Variants in TAFA2 observed in about 807,000 individuals in gnomAD.
The protein encoded by TAFA2 is chemokine-like protein TAFA-2.
A neutral mutation model predicts 18.8 loss-of-function variants in TAFA2; 7 were observed. That is an observed-to-expected ratio of 0.37 (90% CI 0.21 to 0.70). The LOEUF is 0.70. Among genes scored for constraint, TAFA2 ranks in the 30% least tolerant of loss-of-function variants. TAFA2 has a pLI of 0.53. For synonymous variants in TAFA2, 60 were observed against 54.2 expected (o/e 1.11, Z -0.47); for missense variants, 122 against 158.1 (o/e 0.77, Z 1.23).
At chr12:61,711,764 G>T (rs1224534208) in intron 4 of TAFA2, among the ~76,000 whole-genome samples, 1 of 151,906 alleles carries the variant, frequency 6.6e-6, no homozygotes, top group Non-Finnish European at 1.5e-5. Flanking sequence ...TTCTTTGCCT[G>T]CATATTTGAA....
chr12:62,076,968 G>A (rs1043390547), intron 1 of TAFA2, among the ~76,000 whole-genome samples: 2 of 152,152 alleles, frequency 1.3e-5, no homozygotes, highest in Non-Finnish European at 2.9e-5. Flanking sequence ...ATGAAGCCTC[G>A]ATGAGTTTTA....
rs1208956475 is a variant in TAFA2, at chr12:62,003,750, A to G, written c.-1-136324T>C. On this transcript the variant is annotated intron_variant, in intron 1 of 4. Transcript: ENST00000416284. ...ATCTTAATCTGTCTTGTTCTCTTAT[A>G]TATTCCAAGTACCATGAGCAATGGC... Among the ~76,000 whole-genome samples the G allele has an allele frequency of 2.6e-5, 4 of 152,218 alleles. No individual in the cohort carries two copies. In the East Asian group the frequency reaches 7.7e-4, roughly 29 times the overall value.
intron 2 of TAFA2, among the ~76,000 whole-genome samples, chr12:61,815,817 C>T (rs1384124347): frequency 6.6e-6 from 1 of 151,224 alleles, no homozygotes; most frequent in Admixed American, 6.6e-5. Context: ...TCTCTATGCA[C>T]TAAATGTTTA....
intron 1 of TAFA2, among the ~76,000 whole-genome samples, chr12:61,883,380 T>C (rs115619887): frequency 0.011 from 1,607 of 152,266 alleles, 24 homozygotes; most frequent in African/African-American, 0.037. Context: ...ACAGACACAC[T>C]TGCAATCATG....
chr12:61,999,264 A>G (rs1195045328), intron 1 of TAFA2, among the ~76,000 whole-genome samples: 1 of 152,214 alleles, frequency 6.6e-6, no homozygotes, highest in Non-Finnish European at 1.5e-5. Flanking sequence ...GCTTCATGCA[A>G]TAGCCTCAGC....
At chr12:61,872,721 T>C (rs1426110946) in intron 1 of TAFA2, among the ~76,000 whole-genome samples, 1 of 152,120 alleles carries the variant, frequency 6.6e-6, no homozygotes, top group Non-Finnish European at 1.5e-5. Context: ...AAGCTAAATC[T>C]AGACCTTACC....
chr12:61,750,350 G>T (rs1423881728), intron 4 of TAFA2, among the ~76,000 whole-genome samples: 1 of 152,006 alleles, frequency 6.6e-6, no homozygotes, highest in Non-Finnish European at 1.5e-5. Context: ...TGAGAAATGG[G>T]GTTTGGGAAA....
At chr12:62,167,185 T>G (rs1421562342) in intron 1 of TAFA2, among the ~76,000 whole-genome samples, 5 of 152,120 alleles carry the variant, frequency 3.3e-5, no homozygotes, top group Admixed American at 6.6e-5. Flanking sequence ...AAACCAAAAT[T>G]TCTAAAGTTA....
At chr12:62,097,367 G>A (rs1868997298) in intron 1 of TAFA2, among the ~76,000 whole-genome samples, 1 of 152,150 alleles carries the variant, frequency 6.6e-6, no homozygotes. Context: ...CAGAGAAAGA[G>A]TGAAGAGAAG....
chr12:61,937,296 G>A (rs1431987866), intron 1 of TAFA2, among the ~76,000 whole-genome samples: 2 of 151,778 alleles, frequency 1.3e-5, no homozygotes, highest in Non-Finnish European at 2.9e-5. Flanking sequence ...CACAAAATTA[G>A]AAAAAAACAT....
At chr12:61,773,567 A>C (rs1870125709) in intron 2 of TAFA2, among the ~76,000 whole-genome samples, 1 of 151,946 alleles carries the variant, frequency 6.6e-6, no homozygotes, top group Non-Finnish European at 1.5e-5. Flanking sequence ...CATAGAGTCA[A>C]GTGATCTTTG....
intron 1 of TAFA2, among the ~76,000 whole-genome samples, chr12:62,152,649 CT>C (rs1282329833): frequency 6.6e-6 from 1 of 152,158 alleles, no homozygotes; most frequent in Non-Finnish European, 1.5e-5. Flanking sequence ...AGGCATAAAG[CT>C]CTGATGGGGG....
At chr12:61,803,441 G>A (rs1383720446) in intron 2 of TAFA2, among the ~76,000 whole-genome samples, 2 of 151,840 alleles carry the variant, frequency 1.3e-5, no homozygotes, top group Non-Finnish European at 2.9e-5. Context: ...AACCAACTTT[G>A]TTCTCAGCTT....
intron 1 of TAFA2, among the ~76,000 whole-genome samples, chr12:62,116,981 G>T (rs1220787293): frequency 6.6e-6 from 1 of 152,106 alleles, no homozygotes; most frequent in East Asian, 1.9e-4. Context: ...AGACACCGGG[G>T]ATGCATACAC....
chr12:61,924,043 AAAAAG>A (rs947913770), intron 1 of TAFA2, among the ~76,000 whole-genome samples: 10 of 151,876 alleles, frequency 6.6e-5, no homozygotes, highest in South Asian at 2.1e-4. Flanking sequence ...GAGAGAAAAA[AAAAAG>A]AAAAGGAACG....
At chr12:61,879,910 C>T (rs573339740) in intron 1 of TAFA2, 7 of 911,534 alleles carry the variant, frequency 7.7e-6, no homozygotes, top group South Asian at 1.3e-5. Context: ...TTGTCCTCAT[C>T]GAGAAGGATG....
At chr12:62,021,946 G>C in intron 1 of TAFA2, 2 of 715,380 alleles carry the variant, frequency 2.8e-6, no homozygotes, top group East Asian at 5.6e-5. Flanking sequence ...ACCATGGCAG[G>C]CCCTCCTCAC....
chr12:62,233,064 C>CT (rs1565784732), intron 1 of TAFA2, among the ~76,000 whole-genome samples: 11 of 78,382 alleles, frequency 1.4e-4, no homozygotes, highest in South Asian at 4.5e-4. Context: ...ATTTCTGCAT[C>CT]TCTTTTTTTT....
At chr12:62,007,121 C>G (rs1398017078) in intron 1 of TAFA2, among the ~76,000 whole-genome samples, 1 of 152,114 alleles carries the variant, frequency 6.6e-6, no homozygotes, top group African/African-American at 2.4e-5. Context: ...GCTCCTTCTG[C>G]TCCAGCCACA....
Sources: gnomAD v4.1 joint callset for allele counts (sites outside exome capture counted in the v4.1 genomes callset) on GRCh38, gnomAD v4.1.1 for gene constraint, MANE v1.5 for transcripts, NCBI Gene and HGNC (gene_info 2026-07-23, HGNC 2026-07-21) for gene names.